GABRA3: variants seen among roughly 807,000 people sequenced by gnomAD.
The protein encoded by GABRA3 is gamma-aminobutyric acid type A receptor subunit alpha3.
In GABRA3, 10 loss-of-function variants were observed where a neutral mutation model predicts 30.1. The ratio of observed to expected loss-of-function variants is 0.33; its 90% confidence interval spans 0.20 to 0.56. GABRA3 has a LOEUF of 0.56. GABRA3 is among the 20% of genes least tolerant of loss of function. The pLI is 0.89. For missense variants in GABRA3, 233 were observed against 392.0 expected (o/e 0.59, Z 3.42); for synonymous variants, 151 against 146.8 (o/e 1.03, Z -0.21).
chrX:152,240,835 T>G (rs1406212889), intron 5 of GABRA3, among the ~76,000 whole-genome samples: 1 of 94,777 alleles, frequency 1.1e-5, no homozygotes, highest in Non-Finnish European at 2.0e-5. Context: ...AGCCTTGGTT[T>G]TCAGCTCCAT....
intron 6 of GABRA3, among the ~76,000 whole-genome samples, chrX:152,214,642 T>C (rs145569769): frequency 9.0e-6 from 1 of 110,649 alleles, no homozygotes; most frequent in South Asian, 3.8e-4. Context: ...AGCAATCGTA[T>C]TGAATGTGTA....
chrX:152,215,056 T>TATATATATA (rs1422105758), intron 6 of GABRA3, among the ~76,000 whole-genome samples: 5 of 102,406 alleles, frequency 4.9e-5, no homozygotes, highest in Non-Finnish European at 7.7e-5. Flanking sequence ...ATATATATAT[T>TATATATATA]TTTTTATATG....
chrX:152,332,648 C>T (rs1454819509), intron 3 of GABRA3, among the ~76,000 whole-genome samples: 6 of 111,938 alleles, frequency 5.4e-5, no homozygotes, highest in African/African-American at 2.0e-4. Flanking sequence ...CATGATTAGA[C>T]AGCTGGAACA....
intron 3 of GABRA3, among the ~76,000 whole-genome samples, chrX:152,327,355 T>C (rs897493752): frequency 1.8e-5 from 2 of 110,641 alleles, no homozygotes; most frequent in Middle Eastern, 4.3e-3. Flanking sequence ...GCGGACCTAA[T>C]AGACATCTAC....
At chrX:152,404,669 C>A (rs1929880713) in intron 1 of GABRA3, among the ~76,000 whole-genome samples, 1 of 109,196 alleles carries the variant, frequency 9.2e-6, no homozygotes, top group African/African-American at 3.3e-5. Flanking sequence ...CTGGCAGAGG[C>A]TGAGTGAGGA....
At chrX:152,217,662 T>C (rs1418857021) in intron 6 of GABRA3, among the ~76,000 whole-genome samples, 1 of 110,835 alleles carries the variant, frequency 9.0e-6, no homozygotes, top group Non-Finnish European at 1.9e-5. Flanking sequence ...TAGTATAGGG[T>C]CAATGAAAAC....
At position 152,199,177 on chromosome X, in the gene GABRA3, T is replaced by C. The variant is rs193281452; in HGVS notation, c.779-1392A>G. Among the ~76,000 whole-genome samples, 32 of 109,760 alleles carry C rather than the reference T, an allele frequency of 2.9e-4. No individual in the cohort carries two copies. In the East Asian group the frequency reaches 3.2e-3, roughly 11 times the overall value. On this transcript the variant is annotated intron_variant, in intron 7 of 9. Coordinates refer to ENST00000370314, the MANE Select transcript of GABRA3 (RefSeq NM_000808.4). ...GTCAGGAGATCGAGACCATCCTGGC[T>C]AACATGGTGAAACCCCATCTCTACT...
At chrX:152,188,089 G>T (rs1937278693) in intron 9 of GABRA3, among the ~76,000 whole-genome samples, 2 of 111,118 alleles carry the variant, frequency 1.8e-5, no homozygotes, top group South Asian at 7.5e-4. Context: ...TTGGGAAGGT[G>T]GGGGGAAGAA....
At chrX:152,431,926 C>T (rs1397210742) in intron 1 of GABRA3, among the ~76,000 whole-genome samples, 2 of 111,533 alleles carry the variant, frequency 1.8e-5, no homozygotes, top group Non-Finnish European at 3.8e-5. Context: ...TGATTTTAGC[C>T]CTGGAAAACC....
rs138322201 is a variant in GABRA3, at chrX:152,408,382, G to A, written c.-27+42764C>T. On this transcript the variant is annotated intron_variant, in intron 1 of 9. Coordinates refer to ENST00000370314, the MANE Select transcript of GABRA3 (RefSeq NM_000808.4). ...TTTTTAAAAACTCAGTAAAGTTGCCGGATACTAAATCATCATGCAAAAATT... is the reference window on the plus strand; with the variant it reads ...TTTTTAAAAACTCAGTAAAGTTGCCAGATACTAAATCATCATGCAAAAATT... Among the ~76,000 whole-genome samples the A allele has an allele frequency of 6.5e-3, 723 of 110,974 alleles. 10 individuals carry two copies. The highest frequency in any genetic ancestry group is 0.022 in the African/African-American group (674 of 30,563).
intron 4 of GABRA3, among the ~76,000 whole-genome samples, chrX:152,275,181 TTAATATTATATATATAATTTATATATA>T (rs1340585145): frequency 1.3e-4 from 10 of 75,341 alleles, no homozygotes; most frequent in Admixed American, 5.0e-4. Flanking sequence ...TTATATATAT[TTAATATTATATATATAATTTATATATA>T]TAATATTATA....
chrX:152,305,046 T>TG (rs1185032059), intron 3 of GABRA3, among the ~76,000 whole-genome samples: 1 of 111,944 alleles, frequency 8.9e-6, no homozygotes, highest in Non-Finnish European at 1.9e-5. Context: ...CATTCATTTA[T>TG]TTTTTCTTAT....
chrX:152,418,740 T>G (rs1005095752), intron 1 of GABRA3, among the ~76,000 whole-genome samples: 1 of 111,881 alleles, frequency 8.9e-6, no homozygotes, highest in Non-Finnish European at 1.9e-5. Flanking sequence ...GGTTGATTCC[T>G]CAGGGATCTA....
chrX:152,259,957 T>C (rs191010007), intron 4 of GABRA3, among the ~76,000 whole-genome samples: 17 of 110,730 alleles, frequency 1.5e-4, no homozygotes, highest in Non-Finnish European at 2.8e-4. Flanking sequence ...ATTTGAGGAC[T>C]TGGTTCCTGG....
At chrX:152,289,784 G>C (rs190390309) in intron 3 of GABRA3, among the ~76,000 whole-genome samples, 7 of 109,692 alleles carry the variant, frequency 6.4e-5, no homozygotes, top group Non-Finnish European at 1.1e-4. Flanking sequence ...TTCTGTCCTT[G>C]CAATAATTTG....
chrX:152,270,876 A>G (rs1285812056), intron 4 of GABRA3, among the ~76,000 whole-genome samples: 2 of 109,203 alleles, frequency 1.8e-5, no homozygotes, highest in African/African-American at 3.3e-5. Context: ...AAAGACAGGA[A>G]AATTTGGGAA....
At chrX:152,385,046 G>C (rs1361317056) in intron 1 of GABRA3, among the ~76,000 whole-genome samples, 3 of 111,422 alleles carry the variant, frequency 2.7e-5, no homozygotes, top group Non-Finnish European at 5.7e-5. Flanking sequence ...TTAGAAATTA[G>C]AAATTAGAAA....
intron 1 of GABRA3, among the ~76,000 whole-genome samples, chrX:152,425,518 TA>T (rs1223944605): frequency 1.8e-5 from 2 of 111,690 alleles, no homozygotes; most frequent in South Asian, 7.5e-4. Context: ...ATGAAATTTT[TA>T]AAGAGAAAAG....
chrX:152,199,370 A>C (rs955775699), intron 7 of GABRA3, among the ~76,000 whole-genome samples: 2 of 108,338 alleles, frequency 1.8e-5, no homozygotes, highest in African/African-American at 3.3e-5. Context: ...GTCTCAAAAA[A>C]AAAAAAATAA....
Sources: gnomAD v4.1 joint callset for allele counts (sites outside exome capture counted in the v4.1 genomes callset) on GRCh38, gnomAD v4.1.1 for gene constraint, MANE v1.5 for transcripts, NCBI Gene and HGNC (gene_info 2026-07-23, HGNC 2026-07-21) for gene names.